FBXO28: variants seen among roughly 807,000 people sequenced by gnomAD.
FBXO28 encodes F-box only protein 28.
FBXO28 carries 8 observed loss-of-function variants against 38.1 expected under a neutral mutation model. The ratio of observed to expected loss-of-function variants is 0.21; its 90% CI spans 0.12 to 0.38. The LOEUF is 0.38. FBXO28 is among the 10% of genes least tolerant of loss of function. The pLI is 1.00. For missense variants in FBXO28, 345 were observed against 460.6 expected, an observed-to-expected ratio of 0.75 and a Z score of 2.30; for synonymous variants, 168 against 173.8, an observed-to-expected ratio of 0.97 and a Z score of 0.26.
intron 1 of FBXO28, among the ~76,000 whole-genome samples, chr1:224,119,775 G>GA (rs1208432716): frequency 2.0e-5 from 3 of 151,692 alleles, no homozygotes; most frequent in South Asian, 2.1e-4. Flanking sequence ...ATTCCCAGCA[G>GA]AAAAAAAACG....
intron 1 of FBXO28, among the ~76,000 whole-genome samples, chr1:224,121,300 A>C (rs764181276): frequency 1.3e-5 from 2 of 152,206 alleles, no homozygotes; most frequent in African/African-American, 2.4e-5. Context: ...CCTAAGAAGA[A>C]ATTCTTCCTA....
chr1:224,119,135 CTTTTTT>C (rs67458349), intron 1 of FBXO28, among the ~76,000 whole-genome samples: 4 of 109,922 alleles, frequency 3.6e-5, no homozygotes, highest in South Asian at 2.9e-4. Flanking sequence ...TCTTTTTTTT[CTTTTTT>C]TTTTTTTTTT....
chr1:224,131,089 A>G (rs1046349275), intron 2 of FBXO28: 1 of 152,286 alleles, frequency 6.6e-6, no homozygotes, highest in African/African-American at 2.4e-5. Context: ...ACAAAACACC[A>G]TTGAAAGAAA....
intron 1 of FBXO28, among the ~76,000 whole-genome samples, chr1:224,117,682 C>T (rs1201410953): frequency 3.9e-5 from 6 of 152,092 alleles, no homozygotes; most frequent in East Asian, 3.9e-4. Flanking sequence ...GGGTGAGAGA[C>T]TCTGAAACAA....
Position 224,160,749 on chromosome 1 carries a change from G to C in FBXO28, c.*3003G>C, listed in dbSNP as rs990407637. On this transcript the variant is annotated 3_prime_UTR_variant, in exon 5 of 5. Transcript: ENST00000366862. ...AATTTTTTTGCAAAACACTTTTTTTGGAGTACTGAACTTTACAGGGGCTTG... is the reference window on the plus strand; with the variant it reads ...AATTTTTTTGCAAAACACTTTTTTTCGAGTACTGAACTTTACAGGGGCTTG... 6.6e-6 allele frequency: 1 copy of C among 152,106 alleles called. No individual in the cohort carries two copies. Among genetic ancestry groups the C allele is most frequent in the African/African-American group, 2.4e-5 (1 of 41,422 alleles). 9.4% of individuals were successfully genotyped at this position (152,106 alleles called of 1,614,324 possible).
chr1:224,131,483 C>G (rs1048354495), intron 2 of FBXO28, among the ~76,000 whole-genome samples: 4 of 152,086 alleles, frequency 2.6e-5, no homozygotes, highest in Non-Finnish European at 5.9e-5. Flanking sequence ...ACCTGTAGAT[C>G]AAAGAAGCAA....
chr1:224,134,387 T>A, intron 3 of FBXO28, 175 bp downstream of exon 3: 1 of 519,778 alleles, frequency 1.9e-6, no homozygotes, highest in Non-Finnish European at 3.2e-6. Context: ...ATGATCTTTA[T>A]ATTTAAAATT....
At chr1:224,118,866 T>C (rs925034232) in intron 1 of FBXO28, among the ~76,000 whole-genome samples, 1 of 152,198 alleles carries the variant, frequency 6.6e-6, no homozygotes, top group African/African-American at 2.4e-5. Context: ...AACACAAGAA[T>C]ACACATAACA....
At chr1:224,153,959 G>A (rs918473632) in intron 4 of FBXO28, among the ~76,000 whole-genome samples, 35 of 152,012 alleles carry the variant, frequency 2.3e-4, no homozygotes, top group Middle Eastern at 3.4e-3. Flanking sequence ...TGGACCAGGC[G>A]CAGTGGCCCA....
intron 3 of FBXO28, among the ~76,000 whole-genome samples, chr1:224,150,241 T>C (rs1657609744): frequency 6.6e-6 from 1 of 152,148 alleles, no homozygotes; most frequent in Non-Finnish European, 1.5e-5. Flanking sequence ...GGAGAATTGC[T>C]TGAACCCAGG....
intron 4 of FBXO28, among the ~76,000 whole-genome samples, chr1:224,155,736 A>G (rs1320548109): frequency 6.6e-6 from 1 of 152,234 alleles, no homozygotes; most frequent in Admixed American, 6.5e-5. Context: ...TAAAGCCTAC[A>G]CATCTCAGCA....
At chr1:224,130,733 A>T in intron 2 of FBXO28, 152 bp downstream of exon 2, 1 of 541,940 alleles carries the variant, frequency 1.8e-6, no homozygotes. Flanking sequence ...TGGTTTGTCC[A>T]TTCTCACCGT....
intron 3 of FBXO28, among the ~76,000 whole-genome samples, chr1:224,143,283 T>C (rs532229532): frequency 6.6e-6 from 1 of 152,104 alleles, no homozygotes; most frequent in East Asian, 1.9e-4. Flanking sequence ...ACTGTCTGTT[T>C]AGTTTGTGCA....
Position 224,139,764 on chromosome 1 carries a change from G to GCATGCATACATACATACATACATA in FBXO28, c.516+5555_516+5556insGCATACATACATACATACATACAT, listed in dbSNP as rs1386239166. On this transcript the variant is annotated intron_variant, in intron 3 of 4. Coordinates refer to ENST00000366862, the MANE Select transcript of FBXO28 (RefSeq NM_015176.4). ...GAAATAAATACATACATGCATGCAT[G>GCATGCATACATACATACATACATA]CATACATACATACATACATACATAC... 3.4e-4 allele frequency among the ~76,000 whole-genome samples: 49 copies of GCATGCATACATACATACATACATA among 146,048 alleles called. 1 individual carries two copies. Among genetic ancestry groups the GCATGCATACATACATACATACATA allele is most frequent in the South Asian group, 2.0e-3 (9 of 4,560 alleles).
intron 3 of FBXO28, among the ~76,000 whole-genome samples, chr1:224,146,233 A>C (rs907367224): frequency 3.4e-5 from 5 of 145,678 alleles, no homozygotes; most frequent in African/African-American, 9.9e-5. Context: ...GACTGTCTTC[A>C]AAAAAAAAAA....
chr1:224,154,330 A>G (rs566395336), intron 4 of FBXO28, among the ~76,000 whole-genome samples: 18 of 152,334 alleles, frequency 1.2e-4, no homozygotes, highest in South Asian at 1.0e-3. Context: ...CCTGAAGTAC[A>G]ATTTCTACTA....
At chr1:224,125,965 C>T (rs921647259) in intron 1 of FBXO28, among the ~76,000 whole-genome samples, 1 of 152,186 alleles carries the variant, frequency 6.6e-6, no homozygotes, top group Non-Finnish European at 1.5e-5. Context: ...TCTGATTTCT[C>T]GACTCAAAAC....
At chr1:224,128,254 T>A (rs755522704) in intron 1 of FBXO28, among the ~76,000 whole-genome samples, 2 of 151,180 alleles carry the variant, frequency 1.3e-5, no homozygotes, top group Non-Finnish European at 2.9e-5. Flanking sequence ...TATTTTTTTT[T>A]ATTTTATTTT....
intron 1 of FBXO28, among the ~76,000 whole-genome samples, chr1:224,123,442 C>CAAAAAAAAA (rs10647785): frequency 1.6e-5 from 1 of 64,298 alleles, no homozygotes. Context: ...GACCCTGTCT[C>CAAAAAAAAA]AAAAAAAAAA....
Sources: allele counts gnomAD v4.1 joint callset (sites outside exome capture counted in the v4.1 genomes callset), GRCh38; gene constraint gnomAD v4.1.1; transcripts MANE v1.5; gene names NCBI Gene and HGNC (gene_info 2026-07-23, HGNC 2026-07-21).